The following TBC1D4 variants were observed in gnomAD, a reference collection of about 807,000 sequenced individuals.
TBC1D4 encodes TBC (Tre-2, BUB2, CDC16) domain-containing protein.
TBC1D4 carries 121 observed loss-of-function variants against 142.5 expected under a neutral mutation model. That is an observed-to-expected ratio of 0.85 (90% CI 0.73 to 0.99). The LOEUF (loss-of-function observed/expected upper bound fraction) is 0.99. Ranked by LOEUF, TBC1D4 falls within the 50% of genes least tolerant of loss-of-function variation. The pLI, the probability that TBC1D4 is intolerant of heterozygous loss-of-function variation, is 0.00. For synonymous variants in TBC1D4, 630 were observed against 628.2 expected, an observed-to-expected ratio of 1.00 and a Z score of -0.04; for missense variants, 1,475 against 1,606.6, an observed-to-expected ratio of 0.92 and a Z score of 1.40.
intron 1 of TBC1D4, among the ~76,000 whole-genome samples, chr13:75,390,311 AAAG>A (rs1004038264): frequency 1.3e-5 from 2 of 151,798 alleles, no homozygotes; most frequent in African/African-American, 2.4e-5. Context: ...AAAGAAAAGA[AAAG>A]AAGTCAGAAC....
intron 1 of TBC1D4, among the ~76,000 whole-genome samples, chr13:75,363,732 G>A (rs1305892455): frequency 1.3e-5 from 2 of 152,104 alleles, no homozygotes; most frequent in African/African-American, 4.8e-5. Flanking sequence ...CCTCAACCTT[G>A]GCAAAATACA....
intron 1 of TBC1D4, among the ~76,000 whole-genome samples, chr13:75,405,451 T>C (rs543148457): frequency 3.7e-4 from 56 of 152,192 alleles, no homozygotes; most frequent in Admixed American, 1.8e-3. Context: ...TTTTGTATTT[T>C]AGTAGAGACA....
At chr13:75,342,120 A>G (rs974966026) in intron 5 of TBC1D4, among the ~76,000 whole-genome samples, 1 of 152,214 alleles carries the variant, frequency 6.6e-6, no homozygotes, top group East Asian at 1.9e-4. Context: ...TCACTTGAAC[A>G]TGGGAGGCAG....
At chr13:75,302,896 T>A (rs78059725) in intron 15 of TBC1D4, 4 of 180,998 alleles carry the variant, frequency 2.2e-5, no homozygotes, top group Admixed American at 1.7e-4. Flanking sequence ...TATTACTGCC[T>A]ATTTTCACTC....
At chr13:75,418,316 G>T (rs1376213674) in intron 1 of TBC1D4, among the ~76,000 whole-genome samples, 1 of 152,108 alleles carries the variant, frequency 6.6e-6, no homozygotes, top group Non-Finnish European at 1.5e-5. Context: ...TGTGTGAAAA[G>T]ACCTGTTTAA....
intron 1 of TBC1D4, among the ~76,000 whole-genome samples, chr13:75,473,349 A>G (rs1449626921): frequency 6.6e-6 from 1 of 152,188 alleles, no homozygotes; most frequent in Non-Finnish European, 1.5e-5. Flanking sequence ...TGAAGATACA[A>G]TTGTAAGATA....
chr13:75,430,237 C>A (rs1034143390), intron 1 of TBC1D4, among the ~76,000 whole-genome samples: 27 of 152,188 alleles, frequency 1.8e-4, no homozygotes, highest in African/African-American at 6.3e-4. Flanking sequence ...TGATAGATGA[C>A]AAACATTACA....
At chr13:75,435,729 CT>C (rs1886772677) in intron 1 of TBC1D4, among the ~76,000 whole-genome samples, 1 of 152,132 alleles carries the variant, frequency 6.6e-6, no homozygotes, top group Admixed American at 6.5e-5. Flanking sequence ...GAAGAAATGG[CT>C]GACTGACAAG....
chr13:75,316,189 TTAGAACGTAC>T (rs1405806093), intron 12 of TBC1D4, among the ~76,000 whole-genome samples: 2 of 152,184 alleles, frequency 1.3e-5, no homozygotes, highest in African/African-American at 4.8e-5. Flanking sequence ...TATCAAGTGT[TTAGAACGTAC>T]TAAAAATAAA....
At position 75,286,806 on chromosome 13, in the gene TBC1D4, C is replaced by T. The variant is rs1039209977; in HGVS notation, c.3883G>A (p.Gly1295Arg). ...NCNPNNKAKI[G>R]NKP ...TGCCTCTTCAATTATGGCTTATTTC[C>T]TATCTTGGCTTTGTTGTTAGGGTTG... Residue 1295 changes from glycine (G) to arginine (R), a missense_variant, in exon 21 of 21, where the codon GGA becomes AGA. Gly to Arg is a moderately radical substitution (Grantham distance 125). Around this residue, in one of 2 missense-constraint regions of TBC1D4, gnomAD observed 248 missense variants for 338.9 expected, o/e 0.73. Coordinates refer to ENST00000377636, the MANE Select transcript of TBC1D4 (RefSeq NM_014832.5). The T allele has an allele frequency of 9.9e-6, 16 of 1,613,604 alleles. No individual in the cohort carries two copies. The African/African-American group carries it at 1.9e-4, about 19-fold the overall frequency.
rs140167781 is a variant in TBC1D4 at position 75,445,234 on chromosome 13, T to C, written c.498+36036A>G. 9.5e-3 allele frequency among the ~76,000 whole-genome samples: 1,454 copies of C among 152,348 alleles called. 31 individuals carry two copies. Among genetic ancestry groups the C allele is most frequent in the African/African-American group, 0.034 (1,400 of 41,566 alleles). ...TTAACAGAAATTTAAATAATCTATG[T>C]GTATATACTGTACATCACTCTATTC... On this transcript the variant is annotated intron_variant, in intron 1 of 20. Coordinates refer to ENST00000377636, the MANE Select transcript of TBC1D4 (RefSeq NM_014832.5).
chr13:75,320,127 C>T, intron 11 of TBC1D4, 90 bp from the exon 12 acceptor site: 1 of 1,401,614 alleles, frequency 7.1e-7, no homozygotes, highest in South Asian at 1.2e-5. Context: ...AATAAGTCAT[C>T]AATAAGTCAT....
At position 75,409,455 on chromosome 13, in the gene TBC1D4, C is replaced by T. The variant is rs113467482; in HGVS notation, c.499-46848G>A. ...AATCTGTTCTTCCATTTCAGTAGCCCATTTCAAATCAAACATTCCATTCCT... is the reference window on the plus strand; with the variant it reads ...AATCTGTTCTTCCATTTCAGTAGCCTATTTCAAATCAAACATTCCATTCCT... On this transcript the variant is annotated intron_variant, in intron 1 of 20. Coordinates refer to ENST00000377636, the MANE Select transcript of TBC1D4 (RefSeq NM_014832.5). Among the ~76,000 whole-genome samples, 462 of 152,270 alleles carry T rather than the reference C, an allele frequency of 3.0e-3. 7 individuals carry two copies. Among genetic ancestry groups the T allele is most frequent in the African/African-American group, 0.01 (424 of 41,552 alleles).
chr13:75,341,655 A>G, intron 5 of TBC1D4, 68 bp from the exon 6 acceptor site: 3 of 1,213,192 alleles, frequency 2.5e-6, no homozygotes, highest in Non-Finnish European at 3.7e-6. Flanking sequence ...CAGAGAATGC[A>G]TTACACTTCA....
chr13:75,297,860 AAT>A (rs1876113238), intron 17 of TBC1D4, among the ~76,000 whole-genome samples: 1 of 152,168 alleles, frequency 6.6e-6, no homozygotes, highest in Admixed American at 6.5e-5. Context: ...TAAACCTACG[AAT>A]AGTCATCAAT....
intron 1 of TBC1D4, among the ~76,000 whole-genome samples, chr13:75,421,619 TAG>T (rs750598056): frequency 3.5e-4 from 53 of 152,212 alleles, no homozygotes; most frequent in Non-Finnish European, 7.5e-4. Flanking sequence ...TGGTTGTGTG[TAG>T]AGTCTTGGGA....
chr13:75,411,089 C>T (rs370586573), intron 1 of TBC1D4, among the ~76,000 whole-genome samples: 109 of 151,938 alleles, frequency 7.2e-4, no homozygotes, highest in African/African-American at 2.5e-3. Flanking sequence ...AGAACCCAAA[C>T]GTTACGCCAT....
intron 1 of TBC1D4, among the ~76,000 whole-genome samples, chr13:75,390,280 A>AT (rs1165039605): frequency 1.3e-5 from 2 of 150,766 alleles, no homozygotes; most frequent in African/African-American, 2.4e-5. Flanking sequence ...ACTCCGTCAA[A>AT]AAAAAAAAAA....
rs746537385 is a variant in TBC1D4, at chr13:75,292,283, G to C, written c.3317-12C>G. 6.2e-7 allele frequency: 1 copy of C among 1,604,152 alleles called. No individual in the cohort carries two copies. Among genetic ancestry groups the C allele is most frequent in the Admixed American group, 1.7e-5 (1 of 59,650 alleles). On this transcript the variant is annotated splice_polypyrimidine_tract_variant and intron_variant, in intron 18 of 20. Transcript: ENST00000377636. ...AAGAAAAATAATATCTAAAAGAAGA[G>C]ATATAATTTTCATGATCAAAACTAT...
Sources: allele counts gnomAD v4.1 joint callset (sites outside exome capture counted in the v4.1 genomes callset), GRCh38; gene constraint gnomAD v4.1.1; regional missense constraint gnomAD v4.1.1; transcripts MANE v1.5; gene names NCBI Gene and HGNC (gene_info 2026-07-23, HGNC 2026-07-21).